GALNT17: variants seen among roughly 807,000 people sequenced by gnomAD.
GALNT17 encodes the protein UDP-GalNAc:polypeptide N-acetylgalactosaminyltransferase-like 3.
A neutral mutation model predicts 63.7 loss-of-function variants in GALNT17; 29 were observed. The observed-to-expected ratio is 0.46, with a 90% confidence interval of 0.34 to 0.62. The LOEUF (loss-of-function observed/expected upper bound fraction) is 0.62. Ranked by LOEUF, GALNT17 falls within the 20% of genes least tolerant of loss-of-function variation. GALNT17 has a pLI of 0.01. For synonymous variants in GALNT17, 305 were observed against 318.3 expected (o/e 0.96, Z 0.45); for missense variants, 603 against 799.6 (o/e 0.75, Z 2.97).
intron 5 of GALNT17, among the ~76,000 whole-genome samples, chr7:71,510,696 T>G (rs1022719786): frequency 6.6e-6 from 1 of 152,186 alleles, no homozygotes; most frequent in African/African-American, 2.4e-5. Context: ...CAGGGGTCTC[T>G]TTTGCATCCT....
rs541180143 is a variant in GALNT17, at chr7:71,577,857, C to T, written c.1080+6455C>T. Among the ~76,000 whole-genome samples, 8 of 152,058 alleles carry T rather than the reference C, an allele frequency of 5.3e-5. No homozygotes were observed. The South Asian group carries it at 1.7e-3, about 32-fold the overall frequency. ...GGTGGAGACATGGTTAGAACTCCTG[C>T]CATCTTGTCTAGCTCTGTCCATTCA... On this transcript the variant is annotated intron_variant, in intron 6 of 10. Transcript: ENST00000333538.
chr7:71,712,347 G>A lies in GALNT17; in HGVS notation c.*201G>A, dbSNP rs1358581883. On this transcript the variant is annotated 3_prime_UTR_variant, in exon 11 of 11. Transcript: ENST00000333538. ...GCATTCAGCTGCCCACAAGTTTCCTGCACCCTGGAAAAGCCCCCCACCCTT... is the reference window on the plus strand; with the variant it reads ...GCATTCAGCTGCCCACAAGTTTCCTACACCCTGGAAAAGCCCCCCACCCTT... 7.5e-6 allele frequency: 4 copies of A among 531,536 alleles called. No homozygotes were observed. Among genetic ancestry groups the A allele is most frequent in the Non-Finnish European group, 9.5e-6 (3 of 315,308 alleles). The allele number at this position is 531,536 out of a possible 1,614,324, so 32.9% of individuals were successfully genotyped here.
chr7:71,669,839 G>T, intron 7 of GALNT17, 133 bp from the exon 8 acceptor site: 2 of 1,127,456 alleles, frequency 1.8e-6, no homozygotes, highest in South Asian at 3.2e-5. Flanking sequence ...GGGATTACAG[G>T]CATGAGCCAC....
intron 3 of GALNT17, among the ~76,000 whole-genome samples, chr7:71,397,895 A>T (rs999334165): frequency 2.6e-5 from 4 of 152,026 alleles, no homozygotes; most frequent in African/African-American, 9.7e-5. Flanking sequence ...GTTGAGTTAG[A>T]TGTTGCCTTC....
At chr7:71,161,649 A>ATTTAT (rs926307891) in intron 1 of GALNT17, among the ~76,000 whole-genome samples, 1 of 152,194 alleles carries the variant, frequency 6.6e-6, no homozygotes, top group Non-Finnish European at 1.5e-5. Context: ...TTATTTAAAA[A>ATTTAT]TTAATTTCAA....
chr7:71,427,313 G>T (rs1009626605), intron 5 of GALNT17, among the ~76,000 whole-genome samples: 1 of 151,678 alleles, frequency 6.6e-6, no homozygotes, highest in Non-Finnish European at 1.5e-5. Context: ...AACCAGGTTG[G>T]TCTCAATCTC....
intron 5 of GALNT17, among the ~76,000 whole-genome samples, chr7:71,477,899 A>G (rs1444137473): frequency 3.3e-5 from 5 of 152,190 alleles, no homozygotes; most frequent in Admixed American, 2.6e-4. Flanking sequence ...GACATGCGAC[A>G]TGAGCTGGTT....
At chr7:71,237,363 G>A (rs1038109660) in intron 1 of GALNT17, among the ~76,000 whole-genome samples, 3 of 151,800 alleles carry the variant, frequency 2.0e-5, no homozygotes, top group Non-Finnish European at 2.9e-5. Flanking sequence ...TGCCTGGGAC[G>A]GAACAGGAAG....
chr7:71,670,244 A>AGAGAATC, intron 8 of GALNT17, 135 bp downstream of exon 8: 3 of 1,214,700 alleles, frequency 2.5e-6, no homozygotes, highest in Non-Finnish European at 3.6e-6. Context: ...TGATAGCAAG[A>AGAGAATC]TTCTCTCTAG....
chr7:71,357,793 G>A (rs1405259988), intron 2 of GALNT17, among the ~76,000 whole-genome samples: 2 of 152,140 alleles, frequency 1.3e-5, no homozygotes, highest in Non-Finnish European at 2.9e-5. Flanking sequence ...CTTTTAAGGG[G>A]ATTGTAAAAT....
At chr7:71,544,672 T>A (rs1788952428) in intron 5 of GALNT17, among the ~76,000 whole-genome samples, 1 of 152,022 alleles carries the variant, frequency 6.6e-6, no homozygotes, top group Non-Finnish European at 1.5e-5. Context: ...CTTCAAAAAA[T>A]TTCTAGAAGT....
chr7:71,634,555 A>C (rs1790501165), intron 6 of GALNT17, among the ~76,000 whole-genome samples: 1 of 151,940 alleles, frequency 6.6e-6, no homozygotes, highest in African/African-American at 2.4e-5. Flanking sequence ...GGACCTCGAG[A>C]CCAGCCTGAC....
intron 5 of GALNT17, among the ~76,000 whole-genome samples, chr7:71,534,819 C>G (rs1788778415): frequency 6.6e-6 from 1 of 152,080 alleles, no homozygotes; most frequent in African/African-American, 2.4e-5. Flanking sequence ...AAAATCGGGC[C>G]AATTTTACAT....
intron 8 of GALNT17, among the ~76,000 whole-genome samples, chr7:71,675,591 C>G (rs920967378): frequency 2.0e-5 from 3 of 151,528 alleles, no homozygotes; most frequent in Admixed American, 1.3e-4. Flanking sequence ...CCCCTGCACT[C>G]CAGCCTGGAG....
chr7:71,688,915 G>A (rs1383744755), intron 9 of GALNT17, among the ~76,000 whole-genome samples: 1 of 152,146 alleles, frequency 6.6e-6, no homozygotes, highest in African/African-American at 2.4e-5. Context: ...GTGACATCGA[G>A]CAAGTCTATG....
chr7:71,135,326 G>T (rs1457724248), intron 1 of GALNT17, among the ~76,000 whole-genome samples: 1 of 152,178 alleles, frequency 6.6e-6, no homozygotes, highest in African/African-American at 2.4e-5. Flanking sequence ...GTCCAGAGAG[G>T]CTCCACCCAT....
In GALNT17 at chr7:71,298,900, G is replaced by T. The variant is rs1170199476; in HGVS notation, c.239-36650G>T. The stretch of plus-strand genomic sequence containing the variant: ...AAGTCATAGCTGCCCGGGACATTGG[G>T]CCAGAAAGTAGCACTGGTGGTGTGG... On this transcript the variant is annotated intron_variant, in intron 1 of 10. Coordinates refer to ENST00000333538, the MANE Select transcript of GALNT17 (RefSeq NM_022479.3). Among the ~76,000 whole-genome samples the T allele has an allele frequency of 4.6e-5, 7 of 152,102 alleles. No individual in the cohort carries two copies. The South Asian group carries it at 6.2e-4, about 14-fold the overall frequency.
chr7:71,433,896 C>T (rs1786912191), intron 5 of GALNT17, among the ~76,000 whole-genome samples: 1 of 152,184 alleles, frequency 6.6e-6, no homozygotes, highest in Non-Finnish European at 1.5e-5. Flanking sequence ...CAGACCCACC[C>T]TCAATCTGTT....
Position 71,547,855 on chromosome 7 carries a change from A to C in GALNT17, c.963-23430A>C, listed in dbSNP as rs115015996. On this transcript the variant is annotated intron_variant, in intron 5 of 10. Coordinates refer to ENST00000333538, the MANE Select transcript of GALNT17 (RefSeq NM_022479.3). ...TTTCAGATAAAGAAATGAGTTGTACACAGTGATTTTTTTAAGGACACTTAT... is the reference window on the plus strand; with the variant it reads ...TTTCAGATAAAGAAATGAGTTGTACCCAGTGATTTTTTTAAGGACACTTAT... Among the ~76,000 whole-genome samples the C allele has an allele frequency of 4.2e-3, 645 of 152,266 alleles. 10 individuals are homozygous for C. Among genetic ancestry groups the C allele is most frequent in the African/African-American group, 0.015 (613 of 41,554 alleles).
Sources: gnomAD v4.1 joint callset for allele counts (sites outside exome capture counted in the v4.1 genomes callset) on GRCh38, gnomAD v4.1.1 for gene constraint, MANE v1.5 for transcripts, NCBI Gene and HGNC (gene_info 2026-07-23, HGNC 2026-07-21) for gene names.